RANBP2: variants seen among roughly 807,000 people sequenced by gnomAD.
RANBP2 encodes E3 SUMO-protein ligase RanBP2.
In RANBP2, 57 loss-of-function variants were observed where a neutral mutation model predicts 303.6. The ratio of observed to expected loss-of-function variants is 0.19; its 90% CI spans 0.15 to 0.23. The LOEUF (loss-of-function observed/expected upper bound fraction) is 0.23, where lower values mean the gene tolerates loss of function less well. RANBP2 is among the 10% of genes least tolerant of loss of function. RANBP2 has a pLI of 1.00. For synonymous variants in RANBP2, 1,167 were observed against 1,301.5 expected, an observed-to-expected ratio of 0.90 and a Z score of 2.23; for missense variants, 3,138 against 3,780.8, an observed-to-expected ratio of 0.83 and a Z score of 4.46.
At chr2:109,591,084 A>G in the RANBP2 span, among the ~76,000 whole-genome samples, 1 of 152,172 alleles carries the variant, frequency 6.6e-6, no homozygotes, top group African/African-American at 2.4e-5. Context: ...AAACTAGTAC[A>G]CTATATTCTC....
Position 108,767,440 on chromosome 2 carries a change from CAAGAAG to C in RANBP2, c.6906_6911del (p.Glu2303_Glu2304del), listed in dbSNP as rs761945066. 6.2e-7 allele frequency: 1 copy of C among 1,611,744 alleles called. No homozygotes were observed. Among genetic ancestry groups the C allele is most frequent in the African/African-American group, 1.3e-5 (1 of 74,802 alleles). Reference sequence around the variant, plus strand: ...CACTGATGAAGAATCTGATGTTACTCAAGAAGAAGAGAGAGATGGACAGTACTTTGA... The same window carrying C: ...CACTGATGAAGAATCTGATGTTACTCAAGAGAGAGATGGACAGTACTTTGA... On this transcript the variant is annotated inframe_deletion, in exon 20 of 29. Transcript: ENST00000283195.
chr2:109,764,290 A>G, the RANBP2 span, among the ~76,000 whole-genome samples: 6 of 147,348 alleles, frequency 4.1e-5, no homozygotes, highest in South Asian at 2.3e-4. Context: ...GGGGCAGCAG[A>G]TATGCAGAGG....
the RANBP2 span, among the ~76,000 whole-genome samples, chr2:109,040,634 A>G: frequency 1.3e-5 from 2 of 152,146 alleles, no homozygotes; most frequent in African/African-American, 2.4e-5. Flanking sequence ...TAATTTTCTC[A>G]CTAGTGACTT....
chr2:109,340,444 C>T, the RANBP2 span, among the ~76,000 whole-genome samples: 3 of 152,316 alleles, frequency 2.0e-5, no homozygotes, highest in African/African-American at 7.2e-5. Context: ...AGAAGGTTTA[C>T]ACCCAAGGAC....
In RANBP2 at chr2:108,765,207, T is replaced by A. The variant is rs761341484; in HGVS notation, c.4668T>A (p.Asn1556Lys). 2 of 1,614,114 alleles carry A rather than the reference T, an allele frequency of 1.2e-6. No individual in the cohort carries two copies. The highest frequency in any genetic ancestry group is 1.3e-5 in the African/African-American group (1 of 75,036). ...QWDCSSCLVR[N>K]EANATRCVAC... ...ATTGCAGTTCATGCTTAGTGCGAAA[T>A]GAAGCAAATGCTACAAGATGTGTTG... Residue 1556 changes from asparagine to lysine, a missense_variant, in exon 20 of 29, where the codon AAT (asparagine) becomes AAA (lysine). This residue lies in a region of RANBP2 where 388 missense variants were observed against 328.5 expected (regional missense o/e 1.18). Transcript: ENST00000283195.
chr2:109,511,477 G>C, the RANBP2 span, among the ~76,000 whole-genome samples: 1 of 152,188 alleles, frequency 6.6e-6, no homozygotes, highest in East Asian at 1.9e-4. Flanking sequence ...GGTGGCCTTA[G>C]GGGTGGTGTC....
the RANBP2 span, among the ~76,000 whole-genome samples, chr2:109,054,636 G>A: frequency 0.1 from 15,465 of 150,326 alleles, 1,877 homozygotes; most frequent in East Asian, 0.64. Flanking sequence ...GGAGGTGGAG[G>A]TTGCAGTGAG....
At chr2:109,082,393 C>T in the RANBP2 span, among the ~76,000 whole-genome samples, 4 of 151,820 alleles carry the variant, frequency 2.6e-5, no homozygotes, top group East Asian at 1.9e-4. Flanking sequence ...CTCCGCTTCC[C>T]GGGTTCACAC....
At chr2:109,499,208 G>A in the RANBP2 span, among the ~76,000 whole-genome samples, 57,499 of 151,914 alleles carry the variant, frequency 0.38, 11,195 homozygotes, top group Admixed American at 0.53. Flanking sequence ...CGCGGGGGCC[G>A]TGTCTCCTAG....
chr2:109,726,001 G>A, the RANBP2 span, among the ~76,000 whole-genome samples: 2 of 151,702 alleles, frequency 1.3e-5, no homozygotes, highest in African/African-American at 2.4e-5. Flanking sequence ...CCAAAGTGCT[G>A]GGATTACATG....
At chr2:108,872,625 G>A in the RANBP2 span, among the ~76,000 whole-genome samples, 2 of 152,076 alleles carry the variant, frequency 1.3e-5, no homozygotes, top group African/African-American at 4.8e-5. Flanking sequence ...TCTTGCGAGG[G>A]CTTCTTGTTG....
At chr2:108,788,017 TC>T (rs1679197487), downstream of RANBP2, 2 of 1,440,632 alleles carry the variant, frequency 1.4e-6, no homozygotes, top group Non-Finnish European at 9.4e-7. Context: ...TTAAATCTTT[TC>T]TTTTTTTTTT....
the RANBP2 span, among the ~76,000 whole-genome samples, chr2:109,009,952 A>G: frequency 6.6e-6 from 1 of 152,118 alleles, no homozygotes; most frequent in East Asian, 1.9e-4. Context: ...CTATATTTTC[A>G]GCATTTCCCA....
chr2:108,926,603 C>A, the RANBP2 span, among the ~76,000 whole-genome samples: 2 of 152,220 alleles, frequency 1.3e-5, no homozygotes, highest in Non-Finnish European at 2.9e-5. Context: ...GGGGTGAGGC[C>A]TGGAGAGGTG....
the RANBP2 span, among the ~76,000 whole-genome samples, chr2:109,283,279 G>A: frequency 3.3e-5 from 5 of 152,270 alleles, no homozygotes; most frequent in African/African-American, 1.2e-4. Context: ...CCTACTTAAG[G>A]CCTCTGTTCC....
chr2:109,643,888 C>A, the RANBP2 span, among the ~76,000 whole-genome samples: 1 of 151,882 alleles, frequency 6.6e-6, no homozygotes, highest in Non-Finnish European at 1.5e-5. Flanking sequence ...TTTGGGAGGC[C>A]TAGGCAGGCG....
the RANBP2 span, among the ~76,000 whole-genome samples, chr2:109,059,335 G>A: frequency 1.3e-5 from 2 of 152,156 alleles, no homozygotes; most frequent in African/African-American, 2.4e-5. Flanking sequence ...CAACACTTTG[G>A]GAGGCCAAAG....
At chr2:109,279,473 T>C in the RANBP2 span, among the ~76,000 whole-genome samples, 1 of 152,210 alleles carries the variant, frequency 6.6e-6, no homozygotes, top group Non-Finnish European at 1.5e-5. Context: ...GCTGCTATGC[T>C]GCTAATGTGA....
At chr2:109,158,290 C>T in the RANBP2 span, among the ~76,000 whole-genome samples, 1 of 152,204 alleles carries the variant, frequency 6.6e-6, no homozygotes, top group East Asian at 1.9e-4. Flanking sequence ...TGCCACTTGT[C>T]TCTTTCTGGT....
Sources: gnomAD v4.1 joint callset for allele counts (sites outside exome capture counted in the v4.1 genomes callset) on GRCh38, gnomAD v4.1.1 for gene constraint, gnomAD v4.1.1 regional missense constraint, MANE v1.5 for transcripts, NCBI Gene and HGNC (gene_info 2026-07-23, HGNC 2026-07-21) for gene names.